The following SSH1 variants were observed in gnomAD, a reference collection of about 807,000 sequenced individuals.
SSH1 encodes protein phosphatase Slingshot homolog 1.
Under a neutral mutation model 79.7 loss-of-function variants are expected in SSH1, and 43 were observed. The observed-to-expected ratio is 0.54, with a 90% CI of 0.42 to 0.70. The LOEUF is 0.70. Among genes scored for constraint, SSH1 ranks in the 30% least tolerant of loss-of-function variants. SSH1 has a pLI of 0.00. For synonymous variants in SSH1, 599 were observed against 538.3 expected (o/e 1.11, Z -1.56); for missense variants, 1,206 against 1,358.8 (o/e 0.89, Z 1.77).
At chr12:108,850,973 C>T (rs946390178) in intron 2 of SSH1, among the ~76,000 whole-genome samples, 1 of 152,036 alleles carries the variant, frequency 6.6e-6, no homozygotes, top group Non-Finnish European at 1.5e-5. Context: ...TTCCACTCCA[C>T]CCCTCCCTGC....
In SSH1 at chr12:108,857,545, C is replaced by T. The variant is rs775220883; in HGVS notation, c.-49G>A. The T allele has an allele frequency of 6.5e-4, 653 of 1,008,786 alleles. No individual in the cohort carries two copies. The highest frequency in any genetic ancestry group is 7.0e-4 in the Non-Finnish European group (589 of 838,668). The allele number at this position is 1,008,786 out of a possible 1,614,324, so 62.5% of individuals were successfully genotyped here. Reference sequence around the variant, plus strand: ...CCACAGACGTCTCGAGCTAGAGCCGCCACCGCCACCGCCGCCCGGGCCGGG... The same window carrying T: ...CCACAGACGTCTCGAGCTAGAGCCGTCACCGCCACCGCCGCCCGGGCCGGG... On this transcript the variant is annotated 5_prime_UTR_variant, in exon 1 of 15. Coordinates refer to ENST00000326495, the MANE Select transcript of SSH1 (RefSeq NM_018984.4). This position sits in a 1 kb window ranked among gnomAD's most constrained non-coding sequence, Gnocchi z 4.7.
intron 2 of SSH1, among the ~76,000 whole-genome samples, chr12:108,839,329 T>C (rs1361113785): frequency 2.6e-5 from 4 of 152,166 alleles, no homozygotes; most frequent in Admixed American, 2.0e-4. Flanking sequence ...AGCCAACAGG[T>C]CAGTGGCCTT....
rs923874503 is a variant in SSH1 at position 108,811,493 on chromosome 12, G to A, written c.402-165C>T. On this transcript the variant is annotated intron_variant, in intron 5 of 14. Coordinates refer to ENST00000326495, the MANE Select transcript of SSH1 (RefSeq NM_018984.4). ...ATGAATTCTAGAAGACACAGGTCTG[G>A]GATGGCCCTGTGGACACAACTCCGT... The A allele has an allele frequency of 1.1e-5, 8 of 699,882 alleles. No homozygotes were observed. The Admixed American group carries it at 1.6e-4, about 14-fold the overall frequency. The allele number at this position is 699,882 out of a possible 1,614,324, so 43.4% of individuals were successfully genotyped here.
intron 2 of SSH1, among the ~76,000 whole-genome samples, chr12:108,848,307 T>C (rs996858450): frequency 1.3e-5 from 2 of 152,148 alleles, no homozygotes; most frequent in Non-Finnish European, 1.5e-5. Context: ...CTGCAATTTA[T>C]TGGATATGGA....
chr12:108,841,719 G>T (rs1444063607), intron 2 of SSH1, among the ~76,000 whole-genome samples: 1 of 152,210 alleles, frequency 6.6e-6, no homozygotes, highest in Non-Finnish European at 1.5e-5. Flanking sequence ...TGAGGCAGGA[G>T]AATCACTGGA....
chr12:108,833,873 G>C (rs182356169), intron 2 of SSH1: 4 of 152,376 alleles, frequency 2.6e-5, no homozygotes, highest in African/African-American at 9.6e-5. Flanking sequence ...AGCTCCGGAA[G>C]CTTTTGGCCT....
chr12:108,797,833 C>G (rs530122179), intron 13 of SSH1, among the ~76,000 whole-genome samples: 1 of 152,332 alleles, frequency 6.6e-6, no homozygotes, highest in Admixed American at 6.5e-5. Context: ...TCTTGAGCAC[C>G]AGACAAGAAT....
Position 108,786,757 on chromosome 12 carries a change from CT to C in SSH1, c.*1230del, listed in dbSNP as rs2036286530. ...CTGACCCCTGAATTCAACCTTTCTGCTTTTCTGCAAGCTGCCTCTCTCTCGA... is the reference window on the plus strand; with the variant it reads ...CTGACCCCTGAATTCAACCTTTCTGCTTTCTGCAAGCTGCCTCTCTCTCGA... On this transcript the variant is annotated 3_prime_UTR_variant, in exon 15 of 15. Transcript: ENST00000326495. The C allele has an allele frequency of 6.6e-6, 1 of 152,210 alleles. No homozygotes were observed. Among genetic ancestry groups the C allele is most frequent in the African/African-American group, 2.4e-5 (1 of 41,454 alleles). The allele number at this position is 152,210 out of a possible 1,614,324, so 9.4% of individuals were successfully genotyped here.
chr12:108,852,520 G>A (rs550345744), intron 2 of SSH1, 118 bp downstream of exon 2: 10 of 1,289,998 alleles, frequency 7.8e-6, no homozygotes, highest in Middle Eastern at 1.8e-4. Context: ...GTGACCCACC[G>A]CACCCAGCCC....
At chr12:108,813,706 T>A (rs1593069207) in intron 5 of SSH1, among the ~76,000 whole-genome samples, 1 of 77,726 alleles carries the variant, frequency 1.3e-5, no homozygotes. Flanking sequence ...AGATCCTGTC[T>A]CCAAATTAAA....
chr12:108,792,181 G>C, intron 14 of SSH1, 105 bp downstream of exon 14: 1 of 1,572,080 alleles, frequency 6.4e-7, no homozygotes, highest in Non-Finnish European at 8.7e-7. Context: ...TCAGCTGGGT[G>C]TGGTGGCGGG....
intron 14 of SSH1, among the ~76,000 whole-genome samples, 160 bp from the exon 15 acceptor site, chr12:108,789,404 A>G (rs2036409156): frequency 6.6e-6 from 1 of 152,110 alleles, no homozygotes; most frequent in South Asian, 2.1e-4. Flanking sequence ...GACCTCCTGG[A>G]GCCCACTTGA....
intron 12 of SSH1, among the ~76,000 whole-genome samples, chr12:108,800,334 C>T (rs2036935896): frequency 6.6e-6 from 1 of 152,060 alleles, no homozygotes; most frequent in South Asian, 2.1e-4. Context: ...GGAAGAAGGG[C>T]CGTATTCTTA....
intron 2 of SSH1, among the ~76,000 whole-genome samples, chr12:108,848,188 A>C (rs116434545): frequency 0.029 from 4,460 of 152,208 alleles, 157 homozygotes; most frequent in African/African-American, 0.083. Context: ...GATGGGTCTG[A>C]GGTGTTCCTC....
In SSH1 at chr12:108,792,660, G is replaced by C. The variant is rs144450121; in HGVS notation, c.1519C>G (p.Leu507Val). 131 of 1,611,326 alleles carry C rather than the reference G, an allele frequency of 8.1e-5. No individual in the cohort carries two copies. The highest frequency in any genetic ancestry group is 1.2e-4 in the Admixed American group (7 of 59,988). The change falls in exon 14 of 15, where the codon CTC becomes GTC. Residue 507 changes from leucine to valine, a missense_variant. Leu to Val is a conservative substitution (Grantham distance 32). Transcript: ENST00000326495. ...DAAQPGLGPP[L>V]PCCFRRLSDP... The stretch of plus-strand genomic sequence containing the variant: ...GAGAGTCGCCGGAAACAGCAGGGGA[G>C]GGGGGGCCCTAAGCCGGGCTGGGCG...
chr12:108,815,317 G>A (rs934786949), intron 5 of SSH1, among the ~76,000 whole-genome samples: 1 of 152,228 alleles, frequency 6.6e-6, no homozygotes, highest in East Asian at 1.9e-4. Flanking sequence ...TAAATGAGAT[G>A]TTCACAGAGG....
chr12:108,852,818 C>T, intron 1 of SSH1, 140 bp from the exon 2 acceptor site: 1 of 1,558,720 alleles, frequency 6.4e-7, no homozygotes, highest in South Asian at 1.1e-5. Flanking sequence ...CAGCCGTGCC[C>T]TTTCCTCACC....
intron 2 of SSH1, among the ~76,000 whole-genome samples, chr12:108,833,189 T>G: frequency 1.3e-5 from 2 of 149,652 alleles, no homozygotes; most frequent in African/African-American, 4.9e-5. Context: ...AGACAGCAAG[T>G]GATGTGTCTT....
At chr12:108,847,042 G>A (rs546758353) in intron 2 of SSH1, among the ~76,000 whole-genome samples, 10 of 152,226 alleles carry the variant, frequency 6.6e-5, no homozygotes, top group Non-Finnish European at 1.3e-4. Context: ...GACTACAGGC[G>A]TGCGCCACCA....
Sources: gnomAD v4.1 joint callset for allele counts (sites outside exome capture counted in the v4.1 genomes callset) on GRCh38, gnomAD v4.1.1 for gene constraint, Gnocchi (gnomAD v3.1) non-coding constraint, MANE v1.5 for transcripts, NCBI Gene and HGNC (gene_info 2026-07-23, HGNC 2026-07-21) for gene names.